Variants in WDR46 observed in about 807,000 individuals in gnomAD.
WDR46 encodes WD repeat-containing protein 46.
A neutral mutation model predicts 74.7 loss-of-function variants in WDR46; 58 were observed. The ratio of observed to expected loss-of-function variants is 0.78; its 90% CI spans 0.63 to 0.97. The LOEUF is 0.97. WDR46 is among the 50% of genes least tolerant of loss of function. The pLI, the probability that WDR46 is intolerant of heterozygous loss-of-function variation, is 0.00. For missense variants in WDR46, 702 were observed against 790.1 expected (o/e 0.89, Z 1.34); for synonymous variants, 278 against 297.3 (o/e 0.93, Z 0.67).
At chr6:33,285,722 G>A (rs1472324052) in intron 10 of WDR46, among the ~76,000 whole-genome samples, 5 of 152,020 alleles carry the variant, frequency 3.3e-5, no homozygotes, top group East Asian at 2.0e-4. Context: ...ACAGAGTTTC[G>A]CCATGTTGGC....
chr6:33,279,183 C>G lies in WDR46; in HGVS notation c.*93G>C. 6.4e-7 allele frequency: 1 copy of G among 1,554,458 alleles called. No individual in the cohort carries two copies. Among genetic ancestry groups the G allele is most frequent in the South Asian group, 1.2e-5 (1 of 85,178 alleles). On this transcript the variant is annotated 3_prime_UTR_variant, in exon 15 of 15. Transcript: ENST00000374617. ...GTCCACCCCCAGTTGGGGAAGGGGC[C>G]ACACTGCCCCCACCTCCTTGTTCCA...
intron 10 of WDR46, among the ~76,000 whole-genome samples, 177 bp downstream of exon 10, chr6:33,286,618 A>G (rs1038375365): frequency 3.9e-5 from 6 of 152,188 alleles, no homozygotes; most frequent in African/African-American, 1.4e-4. Flanking sequence ...CGGGGTCAGG[A>G]AACTGTGGCA....
In WDR46 at chr6:33,288,371, C is replaced by A. The variant is rs754461653; in HGVS notation, c.460G>T (p.Ala154Ser). 1 of 1,614,188 alleles carries A rather than the reference C, an allele frequency of 6.2e-7. No individual in the cohort carries two copies. Among genetic ancestry groups the A allele is most frequent in the South Asian group, 1.1e-5 (1 of 91,090 alleles). The change falls in exon 4 of 15, where the codon GCT becomes TCT. Residue 154 changes from alanine to serine, a missense_variant. By Grantham distance (99) the Ala-to-Ser change is moderately conservative. Coordinates refer to ENST00000374617, the MANE Select transcript of WDR46 (RefSeq NM_005452.6). ...IKAARSELLL[A>S]EEPGFLEGED... ...GGGCTCACTCACCCAGGTTCTTCAG[C>A]AAGCAGCAGCTCAGAACGAGCAGCT... is the stretch of plus-strand genomic sequence containing the variant.
chr6:33,282,617 C>T (rs1163801910), intron 10 of WDR46, among the ~76,000 whole-genome samples: 2 of 152,222 alleles, frequency 1.3e-5, no homozygotes, highest in Non-Finnish European at 2.9e-5. Context: ...TCACTGGAGC[C>T]CCCGTGGCCT....
At chr6:33,286,529 A>C (rs1304650827) in intron 10 of WDR46, among the ~76,000 whole-genome samples, 1 of 152,226 alleles carries the variant, frequency 6.6e-6, no homozygotes, top group Non-Finnish European at 1.5e-5. Context: ...CTTATCAGCA[A>C]ATCATAAAAT....
chr6:33,279,264 C>G lies in WDR46; in HGVS notation c.*12G>C. 6.2e-7 allele frequency: 1 copy of G among 1,614,144 alleles called. No individual in the cohort carries two copies. Among genetic ancestry groups the G allele is most frequent in the Non-Finnish European group, 8.5e-7 (1 of 1,180,004 alleles). ...GGGGAGAGACTGTTCCCAGGCAACC[C>G]TGGAGTCTGGCTCAGCGCACAAATC... On this transcript the variant is annotated 3_prime_UTR_variant, in exon 15 of 15. Coordinates refer to ENST00000374617, the MANE Select transcript of WDR46 (RefSeq NM_005452.6).
intron 11 of WDR46, 64 bp downstream of exon 11, chr6:33,280,610 G>A: frequency 6.2e-7 from 1 of 1,600,164 alleles, no homozygotes; most frequent in Non-Finnish European, 8.5e-7. Flanking sequence ...GTTCCTGGAT[G>A]TCTCTGGCCC....
At position 33,279,216 on chromosome 6, in the gene WDR46, C is replaced by T. The variant is rs1040299800; in HGVS notation, c.*60G>A. 5.0e-6 allele frequency: 8 copies of T among 1,600,476 alleles called. No homozygotes were observed. Among genetic ancestry groups the T allele is most frequent in the African/African-American group, 2.7e-5 (2 of 74,708 alleles). ...CCCCACCTCCTTGTTCCAGGGAACACTCATTTCCCTACAGGTGATCTTGGG... is the reference window on the plus strand; with the variant it reads ...CCCCACCTCCTTGTTCCAGGGAACATTCATTTCCCTACAGGTGATCTTGGG... On this transcript the variant is annotated 3_prime_UTR_variant, in exon 15 of 15. Transcript: ENST00000374617.
chr6:33,280,839 C>T lies in WDR46; in HGVS notation c.1264G>A (p.Val422Ile), dbSNP rs200282061. The T allele has an allele frequency of 2.0e-5, 33 of 1,614,164 alleles. No individual in the cohort carries two copies. The East Asian group carries it at 3.8e-4, about 19-fold the overall frequency. The change falls in exon 11 of 15, where the codon GTT becomes ATT. Residue 422 changes from valine (V) to isoleucine (I), a missense_variant. By Grantham distance (29) the Val-to-Ile change is conservative. Coordinates refer to ENST00000374617, the MANE Select transcript of WDR46 (RefSeq NM_005452.6). ...CCCTGCCCTGCCCAGATGTTGACAA[C>T]GTCACCCATTCCCGCCACCAGCAGT... ...RGLLVAGMGD[V>I]VNIWAGQGKA...
At position 33,287,447 on chromosome 6, in the gene WDR46, C is replaced by A; in HGVS notation, c.787G>T (p.Asp263Tyr). The A allele has an allele frequency of 6.2e-7, 1 of 1,612,676 alleles. No homozygotes were observed. Reference protein sequence around the residue: ...VAQNRWLHIYDNQGIELHCIR... With the variant: ...VAQNRWLHIYYNQGIELHCIR... ...CAGTGGAGCTCAATGCCCTGATTGT[C>A]ATAGATGTGGAGCCAGCGGTTCTGA... The change falls in exon 8 of 15, where the codon GAC becomes TAC. Residue 263 changes from aspartate (D) to tyrosine (Y), a missense_variant. Physicochemically the swap from Asp to Tyr is radical, Grantham distance 160. Coordinates refer to ENST00000374617, the MANE Select transcript of WDR46 (RefSeq NM_005452.6).
intron 10 of WDR46, among the ~76,000 whole-genome samples, chr6:33,286,519 CTT>C (rs1766650618): frequency 6.6e-6 from 1 of 152,158 alleles, no homozygotes; most frequent in Admixed American, 6.5e-5. Flanking sequence ...GATTTTACCT[CTT>C]ATCAGCAAAT....
Position 33,279,286 on chromosome 6 carries a change from A to G in WDR46, c.1823T>C (p.Phe608Ser), listed in dbSNP as rs1765899822. Residue 608 changes from phenylalanine to serine, a missense_variant, in exon 15 of 15, where the codon TTT becomes TCT. Coordinates refer to ENST00000374617, the MANE Select transcript of WDR46 (RefSeq NM_005452.6). The part of the protein sequence containing the change: ...TGARPSALDR[F>S]VR ...ACCCTGGAGTCTGGCTCAGCGCACA[A>G]ATCTGTCCAGGGCAGATGGCCGGGC... 2.5e-6 allele frequency: 4 copies of G among 1,614,176 alleles called. No homozygotes were observed. Among genetic ancestry groups the G allele is most frequent in the Non-Finnish European group, 2.5e-6 (3 of 1,180,020 alleles).
chr6:33,284,885 G>A (rs1218316056), intron 10 of WDR46: 1 of 153,764 alleles, frequency 6.5e-6, no homozygotes, highest in Non-Finnish European at 1.5e-5. Context: ...ACACACAGCC[G>A]AGTGGTCACG....
intron 9 of WDR46, 39 bp downstream of exon 9, chr6:33,287,052 G>A (rs1222377400): frequency 6.9e-6 from 11 of 1,599,986 alleles, no homozygotes; most frequent in Admixed American, 1.7e-5. Flanking sequence ...AGAAAAGCAA[G>A]TCAGGATGGT....
At chr6:33,279,899 A>C (rs763227820) in intron 12 of WDR46, 40 bp from the exon 13 acceptor site, 60 of 1,603,628 alleles carry the variant, frequency 3.7e-5, no homozygotes, top group Non-Finnish European at 5.0e-5. Flanking sequence ...GCAAGGAGCC[A>C]CAGGAGGGTA....
chr6:33,287,766 A>C, intron 6 of WDR46, 48 bp from the exon 7 acceptor site: 3 of 1,603,082 alleles, frequency 1.9e-6, no homozygotes, highest in South Asian at 2.2e-5. Context: ...GGGACCACCG[A>C]CTCAGACAAC....
At chr6:33,288,104 C>T (rs1766854973) in intron 5 of WDR46, 44 bp downstream of exon 5, 2 of 1,613,968 alleles carry the variant, frequency 1.2e-6, no homozygotes, top group South Asian at 2.2e-5. Context: ...TATTGTCCTG[C>T]ACCACCAATC....
Position 33,288,709 on chromosome 6 carries a change from G to A in WDR46, c.280-15C>T, listed in dbSNP as rs778995374. Reference sequence around the variant, plus strand: ...GGATCTTGGGTCTAGGGGAAAGGAGGACGCAATTAGCAGACAGCCTTGGAT... The same window carrying A: ...GGATCTTGGGTCTAGGGGAAAGGAGAACGCAATTAGCAGACAGCCTTGGAT... On this transcript the variant is annotated splice_polypyrimidine_tract_variant and intron_variant, in intron 2 of 14. Coordinates refer to ENST00000374617, the MANE Select transcript of WDR46 (RefSeq NM_005452.6). The A allele has an allele frequency of 1.5e-5, 25 of 1,612,976 alleles. No homozygotes were observed. The highest frequency in any genetic ancestry group is 1.3e-4 in the African/African-American group (10 of 74,834).
In WDR46 at chr6:33,287,108, T is replaced by C; in HGVS notation, c.998A>G (p.His333Arg). 2.5e-6 allele frequency: 4 copies of C among 1,614,024 alleles called. No individual in the cohort carries two copies. The highest frequency in any genetic ancestry group is 3.4e-6 in the Non-Finnish European group (4 of 1,179,988). The stretch of plus-strand genomic sequence containing the variant: ...GTACTGACCATTGCTGTGTCCGAGA[T>C]GGATGACGGCATTGTAAGGGTTCTG... ...MSQNPYNAVI[H>R]LGHSNGTVSL... The change falls in exon 9 of 15, where the codon CAT (histidine) becomes CGT (arginine). Residue 333 changes from histidine to arginine, a missense_variant. Coordinates refer to ENST00000374617, the MANE Select transcript of WDR46 (RefSeq NM_005452.6).
Sources: allele counts gnomAD v4.1 joint callset (sites outside exome capture counted in the v4.1 genomes callset), GRCh38; gene constraint gnomAD v4.1.1; transcripts MANE v1.5; gene names NCBI Gene and HGNC (gene_info 2026-07-23, HGNC 2026-07-21).